The following INPP5D variants were observed in gnomAD, a reference collection of about 807,000 sequenced individuals.
INPP5D encodes the protein phosphatidylinositol 3,4,5-trisphosphate 5-phosphatase 1.
A neutral mutation model predicts 122.9 loss-of-function variants in INPP5D; 33 were observed. The ratio of observed to expected loss-of-function variants is 0.27; its 90% CI spans 0.20 to 0.36. The LOEUF (loss-of-function observed/expected upper bound fraction) is 0.36, where lower values mean the gene tolerates loss of function less well. Ranked by LOEUF, INPP5D falls within the 10% of genes least tolerant of loss-of-function variation. The probability of loss-of-function intolerance (pLI) is 1.00; values close to 1 mark genes in which losing one functional copy is unlikely to be tolerated. For synonymous variants in INPP5D, 584 were observed against 576.2 expected, an observed-to-expected ratio of 1.01 and a Z score of -0.19; for missense variants, 1,053 against 1,412.7, an observed-to-expected ratio of 0.75 and a Z score of 4.08.
At chr2:233,085,276 C>T (rs1691799595) in intron 2 of INPP5D, among the ~76,000 whole-genome samples, 1 of 151,898 alleles carries the variant, frequency 6.6e-6, no homozygotes, top group South Asian at 2.1e-4. Context: ...GTCACAGCTA[C>T]TCCGGAGGCT....
chr2:233,122,016 G>T, intron 2 of INPP5D, 91 bp from the exon 3 acceptor site: 3 of 1,461,172 alleles, frequency 2.1e-6, no homozygotes, highest in Non-Finnish European at 2.8e-6. Context: ...CACTCCCTCC[G>T]CCTCGCTGGT....
intron 2 of INPP5D, among the ~76,000 whole-genome samples, chr2:233,104,163 A>AC (rs144433253): frequency 0.046 from 6,965 of 150,088 alleles, 232 homozygotes; most frequent in African/African-American, 0.092. Context: ...GGTGCGCACC[A>AC]CCACACCTGG....
chr2:233,132,246 C>T (rs974819356), intron 5 of INPP5D, among the ~76,000 whole-genome samples: 7 of 152,244 alleles, frequency 4.6e-5, no homozygotes, highest in African/African-American at 1.4e-4. Context: ...TTCTTCCCTG[C>T]TTCCTTGTGG....
chr2:233,176,434 T>G (rs1273365456), intron 17 of INPP5D, among the ~76,000 whole-genome samples: 4 of 142,578 alleles, frequency 2.8e-5, no homozygotes, highest in African/African-American at 5.3e-5. Flanking sequence ...GGTGAATGGA[T>G]GGATGGATGG....
chr2:233,165,233 C>T (rs1694296719), intron 13 of INPP5D, among the ~76,000 whole-genome samples: 1 of 152,016 alleles, frequency 6.6e-6, no homozygotes, highest in Admixed American at 6.6e-5. Flanking sequence ...GAGCGTACCA[C>T]CCCATATCTA....
chr2:233,169,665 A>C, intron 14 of INPP5D: 1 of 593,140 alleles, frequency 1.7e-6, no homozygotes, highest in South Asian at 2.2e-5. Flanking sequence ...CACTGTTTCT[A>C]AAGCAGAAAG....
intron 1 of INPP5D, among the ~76,000 whole-genome samples, chr2:233,073,851 A>G (rs1003566473): frequency 2.6e-5 from 4 of 151,994 alleles, no homozygotes; most frequent in Non-Finnish European, 5.9e-5. Flanking sequence ...CGTGTGTTAA[A>G]TTCTGACTCT....
chr2:233,145,195 G>C, intron 6 of INPP5D: 1 of 455,984 alleles, frequency 2.2e-6, no homozygotes, highest in South Asian at 1.5e-5. Context: ...TGTTTCTTCT[G>C]TGAATAAGTG....
At chr2:233,186,188 C>G (rs1694909587) in intron 21 of INPP5D, among the ~76,000 whole-genome samples, 1 of 152,136 alleles carries the variant, frequency 6.6e-6, no homozygotes, top group Non-Finnish European at 1.5e-5. Flanking sequence ...GAGGTCAGCT[C>G]GTCTAACCAC....
chr2:233,064,410 A>AGT, intron 1 of INPP5D, among the ~76,000 whole-genome samples: 1 of 152,356 alleles, frequency 6.6e-6, no homozygotes, highest in East Asian at 1.9e-4. Flanking sequence ...TCCCAGGGGC[A>AGT]GTGTAGACAG....
intron 14 of INPP5D, 167 bp downstream of exon 14, chr2:233,169,568 C>G: frequency 9.6e-7 from 1 of 1,046,332 alleles, no homozygotes; most frequent in Non-Finnish European, 1.4e-6. Flanking sequence ...ACTGCAGCAC[C>G]ATAGTGACCT....
At chr2:233,067,071 C>T (rs1691249933) in intron 1 of INPP5D, among the ~76,000 whole-genome samples, 1 of 152,242 alleles carries the variant, frequency 6.6e-6, no homozygotes, top group Non-Finnish European at 1.5e-5. Flanking sequence ...AGCCACTGCA[C>T]CTGGCCCTGG....
rs753350216 is a variant in INPP5D at position 233,060,455 on chromosome 2, C to G, written c.-24C>G. 5 of 1,578,640 alleles carry G rather than the reference C, an allele frequency of 3.2e-6. No individual in the cohort carries two copies. The highest frequency in any genetic ancestry group is 1.8e-5 in the Admixed American group (1 of 54,574). ...TGGGTCCTGGGGGTGCCTGCCGGCC[C>G]GGCCGAGGAGGCCCACGCCCACCAT... On this transcript the variant is annotated 5_prime_UTR_variant, in exon 1 of 27. Transcript: ENST00000445964.
intron 1 of INPP5D, among the ~76,000 whole-genome samples, chr2:233,070,324 G>T (rs553366470): frequency 6.6e-6 from 1 of 151,402 alleles, no homozygotes; most frequent in East Asian, 1.9e-4. Flanking sequence ...TTCTCCCTTC[G>T]CTTTTCAATG....
intron 9 of INPP5D, among the ~76,000 whole-genome samples, chr2:233,148,118 T>TA (rs889543379): frequency 1.7e-4 from 26 of 152,316 alleles, no homozygotes; most frequent in South Asian, 1.0e-3. Flanking sequence ...AACTCATCCA[T>TA]AAAATGGAAG....
At chr2:233,137,529 C>T (rs1693498726) in intron 5 of INPP5D, among the ~76,000 whole-genome samples, 1 of 149,650 alleles carries the variant, frequency 6.7e-6, no homozygotes, top group African/African-American at 2.5e-5. Context: ...GATCTTGGCT[C>T]ACTGCAACTT....
intron 3 of INPP5D, among the ~76,000 whole-genome samples, chr2:233,123,385 T>C (rs747850733): frequency 3.4e-5 from 5 of 147,352 alleles, no homozygotes; most frequent in Non-Finnish European, 7.4e-5. Flanking sequence ...ACCCAGGAGG[T>C]GGAGGTTGCA....
Position 233,164,441 on chromosome 2 carries a change from C to T in INPP5D, c.1555+17C>T. The T allele has an allele frequency of 5.2e-6, 8 of 1,535,908 alleles. No homozygotes were observed. Among genetic ancestry groups the T allele is most frequent in the Non-Finnish European group, 7.0e-6 (8 of 1,136,406 alleles). ...ACACACTGGGTGAGCAGGGCGGGGA[C>T]CCTGTGTTCCTCCCACACCCTCTGC... On this transcript the variant is annotated intron_variant, in intron 13 of 26. Transcript: ENST00000445964. This position sits in a 1 kb window ranked among gnomAD's most constrained non-coding sequence, Gnocchi z 4.3.
chr2:233,101,406 G>A (rs1692307637), intron 2 of INPP5D, among the ~76,000 whole-genome samples: 1 of 151,882 alleles, frequency 6.6e-6, no homozygotes, highest in Non-Finnish European at 1.5e-5. Context: ...GACTGTAGAC[G>A]TCTTTATTAG....
Sources: allele counts gnomAD v4.1 joint callset (sites outside exome capture counted in the v4.1 genomes callset), GRCh38; gene constraint gnomAD v4.1.1; non-coding constraint Gnocchi (gnomAD v3.1); transcripts MANE v1.5; gene names NCBI Gene and HGNC (gene_info 2026-07-23, HGNC 2026-07-21).